The following C1QTNF3 variants were observed in gnomAD, a reference collection of about 807,000 sequenced individuals.
The protein encoded by C1QTNF3 is complement C1q tumor necrosis factor-related protein 3.
A neutral mutation model predicts 32.6 loss-of-function variants in C1QTNF3; 26 were observed. The observed-to-expected ratio is 0.80, with a 90% confidence interval of 0.58 to 1.11. The LOEUF is 1.11. Ranked by LOEUF, C1QTNF3 falls within the 50% of genes least tolerant of loss-of-function variation. The pLI, the probability that C1QTNF3 is intolerant of heterozygous loss-of-function variation, is 0.00. For synonymous variants in C1QTNF3, 155 were observed against 146.0 expected, an observed-to-expected ratio of 1.06 and a Z score of -0.44; for missense variants, 362 against 398.2, an observed-to-expected ratio of 0.91 and a Z score of 0.77.
chr5:34,086,905 T>C, the C1QTNF3 span, among the ~76,000 whole-genome samples: 1 of 151,820 alleles, frequency 6.6e-6, no homozygotes, highest in South Asian at 2.1e-4. Flanking sequence ...AGTTTTTGCA[T>C]TTGTAAAACA....
At chr5:34,129,939 T>G in the C1QTNF3 span, among the ~76,000 whole-genome samples, 1 of 152,112 alleles carries the variant, frequency 6.6e-6, no homozygotes, top group African/African-American at 2.4e-5. Context: ...ACCATTATAC[T>G]AAATTTTATT....
At chr5:34,171,834 T>C in the C1QTNF3 span, among the ~76,000 whole-genome samples, 8 of 152,346 alleles carry the variant, frequency 5.3e-5, no homozygotes, top group East Asian at 1.5e-3. Context: ...ACATTTGTAT[T>C]CACAATAGTG....
At chr5:34,139,053 T>C in the C1QTNF3 span, among the ~76,000 whole-genome samples, 2 of 152,070 alleles carry the variant, frequency 1.3e-5, no homozygotes, top group African/African-American at 4.8e-5. Context: ...TCCCAAATGA[T>C]GAAGCTTAGA....
chr5:34,233,629 A>C, the C1QTNF3 span, among the ~76,000 whole-genome samples: 1 of 152,090 alleles, frequency 6.6e-6, no homozygotes, highest in Non-Finnish European at 1.5e-5. Context: ...CATCCTTAAC[A>C]TTATAATACT....
chr5:34,056,838 C>T, the C1QTNF3 span, among the ~76,000 whole-genome samples: 2 of 151,864 alleles, frequency 1.3e-5, no homozygotes, highest in East Asian at 3.9e-4. Flanking sequence ...TGAACCAGTC[C>T]AGGTAGTTGA....
the C1QTNF3 span, among the ~76,000 whole-genome samples, chr5:34,208,673 T>C: frequency 6.6e-6 from 1 of 152,080 alleles, no homozygotes; most frequent in Non-Finnish European, 1.5e-5. Context: ...TAACAGTATA[T>C]ACAGTGTAAC....
the C1QTNF3 span, among the ~76,000 whole-genome samples, chr5:34,095,967 C>T: frequency 1.7e-4 from 26 of 151,646 alleles, no homozygotes; most frequent in African/African-American, 6.1e-4. Context: ...ATCTCAAGCA[C>T]AGAAGAAAAA....
chr5:34,195,413 GAA>G, the C1QTNF3 span, among the ~76,000 whole-genome samples: 3 of 137,852 alleles, frequency 2.2e-5, no homozygotes, highest in Non-Finnish European at 4.7e-5. Flanking sequence ...CACAGAAACT[GAA>G]AAATTATTGA....
At chr5:34,108,603 T>C in the C1QTNF3 span, among the ~76,000 whole-genome samples, 6 of 152,024 alleles carry the variant, frequency 3.9e-5, no homozygotes, top group African/African-American at 1.2e-4. Context: ...ATTTCAGTAT[T>C]TTAAGTCTTA....
At chr5:34,217,714 G>A in the C1QTNF3 span, among the ~76,000 whole-genome samples, 5,347 of 152,066 alleles carry the variant, frequency 0.035, 147 homozygotes, top group Non-Finnish European at 0.05. Flanking sequence ...CATGAACACT[G>A]GAAGGTTAAA....
At chr5:34,229,943 C>A in the C1QTNF3 span, among the ~76,000 whole-genome samples, 3 of 152,128 alleles carry the variant, frequency 2.0e-5, no homozygotes, top group Non-Finnish European at 4.4e-5. Context: ...TCCCACCCAA[C>A]CACCCTTCTC....
At chr5:34,147,384 C>A in the C1QTNF3 span, among the ~76,000 whole-genome samples, 1 of 152,144 alleles carries the variant, frequency 6.6e-6, no homozygotes, top group Admixed American at 6.5e-5. Flanking sequence ...ATGCTGTTCA[C>A]AACAGCAAAG....
chr5:34,033,231 A>G (rs1371128082), intron 3 of C1QTNF3, 73 bp downstream of exon 3: 2 of 1,529,492 alleles, frequency 1.3e-6, no homozygotes, highest in Non-Finnish European at 1.8e-6. Flanking sequence ...AAGCGCTCGA[A>G]CATCCTGATT....
the C1QTNF3 span, among the ~76,000 whole-genome samples, chr5:34,085,189 G>C: frequency 6.7e-6 from 1 of 149,862 alleles, no homozygotes; most frequent in Admixed American, 6.6e-5. Context: ...TAGAGACCGG[G>C]TTTCACCGTG....
chr5:34,169,517 A>G, the C1QTNF3 span, among the ~76,000 whole-genome samples: 1 of 152,088 alleles, frequency 6.6e-6, no homozygotes, highest in African/African-American at 2.4e-5. Context: ...AAATTAATCC[A>G]TTATCAGATA....
chr5:34,118,804 T>C, the C1QTNF3 span, among the ~76,000 whole-genome samples: 1 of 152,194 alleles, frequency 6.6e-6, no homozygotes, highest in Non-Finnish European at 1.5e-5. Flanking sequence ...GCTTCTGGGT[T>C]TGTAATTCCT....
chr5:34,195,863 T>A, the C1QTNF3 span, among the ~76,000 whole-genome samples: 2 of 151,850 alleles, frequency 1.3e-5, no homozygotes, highest in African/African-American at 4.8e-5. Flanking sequence ...AAAATTCATA[T>A]GATAAAGCCC....
At chr5:34,052,301 T>C in the C1QTNF3 span, among the ~76,000 whole-genome samples, 1 of 152,210 alleles carries the variant, frequency 6.6e-6, no homozygotes, top group Non-Finnish European at 1.5e-5. Flanking sequence ...TAAAATGTCA[T>C]CTTTGCAGTA....
chr5:34,030,079 G>GA (rs1456153126), intron 3 of C1QTNF3, among the ~76,000 whole-genome samples: 1 of 151,986 alleles, frequency 6.6e-6, no homozygotes, highest in Non-Finnish European at 1.5e-5. Flanking sequence ...CTAAAATATA[G>GA]AAAAATGGTT....
Sources: allele counts gnomAD v4.1 joint callset (sites outside exome capture counted in the v4.1 genomes callset), GRCh38; gene constraint gnomAD v4.1.1; transcripts MANE v1.5; gene names NCBI Gene and HGNC (gene_info 2026-07-23, HGNC 2026-07-21).